Variants in ZNF678 observed in about 807,000 individuals in gnomAD.
The protein encoded by ZNF678 is zinc finger protein 678, also known as hypothetical protein MGC42493.
ZNF678 carries 5 observed loss-of-function variants against 3.0 expected under a neutral mutation model. That is an observed-to-expected ratio of 1.69 (90% confidence interval 0.88 to 3.56). The LOEUF (loss-of-function observed/expected upper bound fraction) is 3.56, where lower values mean the gene tolerates loss of function less well. Among genes scored for constraint, ZNF678 ranks in the 30% most tolerant of loss-of-function variants. The probability of loss-of-function intolerance (pLI) is 0.00; values close to 1 mark genes in which losing one functional copy is unlikely to be tolerated. For missense variants in ZNF678, 593 were observed against 605.0 expected, an observed-to-expected ratio of 0.98 and a Z score of 0.21; for synonymous variants, 218 against 199.6, an observed-to-expected ratio of 1.09 and a Z score of -0.78.
chr1:227,675,468 T>TTA (rs1158530226), intron 5 of ZNF678, among the ~76,000 whole-genome samples: 1 of 152,202 alleles, frequency 6.6e-6, no homozygotes, highest in Non-Finnish European at 1.5e-5. Flanking sequence ...ATTTGATTAA[T>TTA]TATATATATT....
rs779480176 is a variant in ZNF678 at position 227,655,380 on chromosome 1, A to G, written c.1130A>G (p.Tyr377Cys). The change falls in exon 4 of 4, where the codon TAC becomes TGC. Residue 377 changes from tyrosine to cysteine, a missense_variant. By Grantham distance (194) the Tyr-to-Cys change is radical. Coordinates refer to ENST00000343776, the MANE Select transcript of ZNF678 (RefSeq NM_001367909.1). Reference protein sequence around the residue: ...HKRIHTGEKPYKCKECGKAFN... With the variant: ...HKRIHTGEKPCKCKECGKAFN... ...AGAATTCATACTGGAGAGAAACCCTACAAATGCAAAGAATGTGGCAAAGCG... is the reference window on the plus strand; with the variant it reads ...AGAATTCATACTGGAGAGAAACCCTGCAAATGCAAAGAATGTGGCAAAGCG... 9.9e-6 allele frequency: 16 copies of G among 1,612,598 alleles called. No homozygotes were observed. The highest frequency in any genetic ancestry group is 1.4e-5 in the Non-Finnish European group (16 of 1,179,366).
At chr1:227,583,218 T>C (rs995930030) in intron 1 of ZNF678, among the ~76,000 whole-genome samples, 4 of 152,180 alleles carry the variant, frequency 2.6e-5, no homozygotes, top group Non-Finnish European at 4.4e-5. Context: ...TTATTCCATG[T>C]ATGATTCAGT....
At chr1:227,669,754 A>C (rs1659569573) in intron 5 of ZNF678, among the ~76,000 whole-genome samples, 1 of 152,216 alleles carries the variant, frequency 6.6e-6, no homozygotes, top group Non-Finnish European at 1.5e-5. Flanking sequence ...CGTTGGTGAG[A>C]ATGTAAATTA....
rs370012623 is a variant in ZNF678 at position 227,651,014 on chromosome 1, T to C, written c.23T>C (p.Ile8Thr). Residue 8 changes from isoleucine to threonine, a missense_variant, in exon 3 of 4, where the codon ATT becomes ACT. Ile to Thr is a moderately conservative substitution (Grantham distance 89). Transcript: ENST00000343776. ...ATAATGGGCACAATATCACTTTGCA[T>C]TGGTGTCTGTGCATTTGAAGGAGCA... MGTISLC[I>T]GVCAFEGANT... 5 of 1,613,310 alleles carry C rather than the reference T, an allele frequency of 3.1e-6. No homozygotes were observed. In the African/African-American group the frequency reaches 4.0e-5, roughly 13 times the overall value.
intron 1 of ZNF678, among the ~76,000 whole-genome samples, chr1:227,611,830 T>G (rs957217699): frequency 6.6e-6 from 1 of 151,820 alleles, no homozygotes; most frequent in African/African-American, 2.4e-5. Flanking sequence ...TTTGAATTCA[T>G]CTACTGAAAA....
chr1:227,646,436 A>T, intron 1 of ZNF678, 108 bp from the exon 2 acceptor site: 1 of 1,078,216 alleles, frequency 9.3e-7, no homozygotes. Context: ...GTCTTACTGG[A>T]CAGTTTCTGC....
chr1:227,596,643 TCTC>T (rs1657596347), intron 1 of ZNF678, among the ~76,000 whole-genome samples: 1 of 152,210 alleles, frequency 6.6e-6, no homozygotes. Context: ...AGAGGGGTGG[TCTC>T]CTCCCTTAGC....
chr1:227,599,147 T>C, intron 1 of ZNF678: 2 of 1,299,542 alleles, frequency 1.5e-6, no homozygotes, highest in Non-Finnish European at 2.2e-6. Flanking sequence ...GTAGAACATA[T>C]TCCTCCAGTT....
chr1:227,582,579 T>C, intron 1 of ZNF678: 1 of 247,206 alleles, frequency 4.0e-6, no homozygotes, highest in Non-Finnish European at 8.4e-6. Flanking sequence ...TTCTTCTGCC[T>C]AATCCTCCCA....
chr1:227,638,368 TA>T lies in ZNF678; in HGVS notation c.-163-8174del, dbSNP rs1268402076. Among the ~76,000 whole-genome samples the T allele has an allele frequency of 1.3e-5, 2 of 152,218 alleles. No individual in the cohort carries two copies. Among genetic ancestry groups the T allele is most frequent in the Non-Finnish European group, 2.9e-5 (2 of 68,044 alleles). On this transcript the variant is annotated intron_variant, in intron 1 of 3. Coordinates refer to ENST00000343776, the MANE Select transcript of ZNF678 (RefSeq NM_001367909.1). The surrounding 1 kb of genome is among the most constrained non-coding windows in gnomAD (Gnocchi z 4.2). ...ACTAAGCGATAAGTTCCTGGCTTTT[TA>T]ACAGATAGAACTGGTGTGTTAAAAG...
At chr1:227,567,423 A>C (rs1440325197) in intron 1 of ZNF678, among the ~76,000 whole-genome samples, 1 of 152,180 alleles carries the variant, frequency 6.6e-6, no homozygotes, top group Non-Finnish European at 1.5e-5. Context: ...CCTGCAAAAG[A>C]AGGTCATTGA....
At chr1:227,596,877 A>G (rs1283241117) in intron 1 of ZNF678, among the ~76,000 whole-genome samples, 1 of 152,210 alleles carries the variant, frequency 6.6e-6, no homozygotes, top group Non-Finnish European at 1.5e-5. Context: ...ACTTAATAAA[A>G]ATGAAAAAAG....
chr1:227,572,712 A>C (rs1477098647), intron 1 of ZNF678, among the ~76,000 whole-genome samples: 1 of 152,236 alleles, frequency 6.6e-6, no homozygotes, highest in East Asian at 1.9e-4. Context: ...TGTGCTGGAC[A>C]ACTCACTAGC....
At position 227,656,562 on chromosome 1, in the gene ZNF678, A is replaced by G. The variant is rs1398565527; in HGVS notation, c.*734A>G. The G allele has an allele frequency of 6.6e-6, 1 of 151,844 alleles. No individual in the cohort carries two copies. Among genetic ancestry groups the G allele is most frequent in the Non-Finnish European group, 1.5e-5 (1 of 67,832 alleles). 9.4% of individuals were successfully genotyped at this position (151,844 alleles called of 1,614,324 possible). A position where few individuals can be genotyped will look rare whatever the true frequency, so the allele number is the denominator to read the frequency against. ...AGTTCTTCTATATTAGATGACCATC[A>G]TTTATATGCTTTTTCATGAATGATT... On this transcript the variant is annotated 3_prime_UTR_variant, in exon 4 of 4. Coordinates refer to ENST00000343776, the MANE Select transcript of ZNF678 (RefSeq NM_001367909.1).
intron 1 of ZNF678, among the ~76,000 whole-genome samples, chr1:227,610,975 C>T (rs1369731862): frequency 6.6e-6 from 1 of 152,230 alleles, no homozygotes; most frequent in Non-Finnish European, 1.5e-5. Context: ...CTCCTTACAT[C>T]AGACATTGTC....
At chr1:227,635,988 A>G (rs1318027890) in intron 1 of ZNF678, among the ~76,000 whole-genome samples, 1 of 152,164 alleles carries the variant, frequency 6.6e-6, no homozygotes, top group East Asian at 1.9e-4. Context: ...TTGGGCAAAG[A>G]AAAACTGAAT....
At chr1:227,671,067 G>A (rs1356318939) in intron 5 of ZNF678, among the ~76,000 whole-genome samples, 7 of 134,522 alleles carry the variant, frequency 5.2e-5, no homozygotes, top group Non-Finnish European at 9.1e-5. Context: ...GGCAATGAGT[G>A]GATCACCTTT....
Position 227,567,890 on chromosome 1 carries a change from C to T in ZNF678, c.-164+4166C>T, listed in dbSNP as rs115507373. On this transcript the variant is annotated intron_variant, in intron 1 of 3. Transcript: ENST00000343776. ...AAGGAATATTGCAACGGGAAAAATA[C>T]CAACTATATCTGCAGTCATCTGAAA... is the stretch of plus-strand genomic sequence containing the variant. Among the ~76,000 whole-genome samples, 953 of 151,998 alleles carry T rather than the reference C, an allele frequency of 6.3e-3. 10 individuals carry two copies. The highest frequency in any genetic ancestry group is 0.022 in the African/African-American group (906 of 41,428).
At chr1:227,620,725 A>G (rs1398785089) in intron 1 of ZNF678, among the ~76,000 whole-genome samples, 12 of 152,244 alleles carry the variant, frequency 7.9e-5, no homozygotes, top group Non-Finnish European at 1.5e-4. Flanking sequence ...AATAATATTT[A>G]TTAATGATTG....
Sources: gnomAD v4.1 joint callset for allele counts (sites outside exome capture counted in the v4.1 genomes callset) on GRCh38, gnomAD v4.1.1 for gene constraint, Gnocchi (gnomAD v3.1) non-coding constraint, MANE v1.5 for transcripts, NCBI Gene and HGNC (gene_info 2026-07-23, HGNC 2026-07-21) for gene names.